The following DNAH14 variants were observed in gnomAD, a reference collection of about 807,000 sequenced individuals.
DNAH14 encodes dynein axonemal heavy chain 14, also known as axonemal beta dynein heavy chain 14.
Under a neutral mutation model 520.9 loss-of-function variants are expected in DNAH14, and 478 were observed. The ratio of observed to expected loss-of-function variants is 0.92; its 90% CI spans 0.85 to 0.99. The LOEUF is 0.99. Ranked by LOEUF, DNAH14 falls within the 50% of genes least tolerant of loss-of-function variation. The probability of loss-of-function intolerance (pLI) is 0.00; values close to 1 mark genes in which losing one functional copy is unlikely to be tolerated. For missense variants in DNAH14, 4,831 were observed against 5,234.5 expected, an observed-to-expected ratio of 0.92 and a Z score of 2.38; for synonymous variants, 1,581 against 1,757.2, an observed-to-expected ratio of 0.90 and a Z score of 2.51.
At chr1:224,948,021 AAT>A (rs1181199347) in intron 1 of DNAH14, among the ~76,000 whole-genome samples, 1 of 151,972 alleles carries the variant, frequency 6.6e-6, no homozygotes, top group Non-Finnish European at 1.5e-5. Flanking sequence ...AGTTTTATAT[AAT>A]ATATATGTTA....
chr1:225,393,753 G>A (rs541121484), intron 84 of DNAH14, among the ~76,000 whole-genome samples: 2 of 151,982 alleles, frequency 1.3e-5, no homozygotes, highest in African/African-American at 4.8e-5. Flanking sequence ...GCCAACACTC[G>A]GTATTTTTAG....
intron 1 of DNAH14, among the ~76,000 whole-genome samples, chr1:224,943,473 G>GT (rs1195086484): frequency 2.0e-5 from 3 of 152,030 alleles, no homozygotes; most frequent in African/African-American, 4.8e-5. Context: ...TTTTTGAAGG[G>GT]TTTTTTGTGT....
chr1:225,170,898 A>G (rs1339193710), intron 36 of DNAH14, among the ~76,000 whole-genome samples: 1 of 152,228 alleles, frequency 6.6e-6, no homozygotes, highest in Non-Finnish European at 1.5e-5. Context: ...ATGTAAAAGA[A>G]CAGAAATTAT....
At chr1:225,201,651 C>A (rs982429879) in intron 38 of DNAH14, among the ~76,000 whole-genome samples, 1 of 152,124 alleles carries the variant, frequency 6.6e-6, no homozygotes, top group Non-Finnish European at 1.5e-5. Context: ...GTCTAGCCAG[C>A]CAGGAAGTCT....
chr1:225,128,029 T>C (rs965844234), intron 27 of DNAH14, among the ~76,000 whole-genome samples: 36 of 152,186 alleles, frequency 2.4e-4, no homozygotes, highest in Non-Finnish European at 4.7e-4. Context: ...GAATGTTGAA[T>C]ATTGGCCCCC....
chr1:225,330,314 A>T (rs1229788629), intron 64 of DNAH14, among the ~76,000 whole-genome samples: 1 of 152,206 alleles, frequency 6.6e-6, no homozygotes, highest in African/African-American at 2.4e-5. Context: ...TATATACCCA[A>T]AAGAAAGGAA....
intron 81 of DNAH14, among the ~76,000 whole-genome samples, chr1:225,382,635 AC>A (rs1443589420): frequency 6.6e-6 from 1 of 151,730 alleles, no homozygotes; most frequent in Non-Finnish European, 1.5e-5. Flanking sequence ...AATTGCTTGA[AC>A]CCAGAAGGCA....
In DNAH14 at chr1:225,351,692, A is replaced by T. The variant is rs552632896; in HGVS notation, c.11342A>T (p.Asp3781Val). 267 of 1,550,462 alleles carry T rather than the reference A, an allele frequency of 1.7e-4. No homozygotes were observed. In the East Asian group the frequency reaches 4.9e-3, roughly 28 times the overall value. The stretch of plus-strand genomic sequence containing the variant: ...AGTCAACATCTTCAGTGGCTGTCAG[A>T]TTCCAGGTGGAGGCAGTGCCAATAT... ...GESQHLQWLS[D>V]SRWRQCQYVS... Residue 3781 changes from aspartate (D) to valine (V), a missense_variant, in exon 72 of 86, where the codon GAT (aspartate) becomes GTT (valine). Coordinates refer to ENST00000682510, the MANE Select transcript of DNAH14 (RefSeq NM_001367479.1).
intron 44 of DNAH14, among the ~76,000 whole-genome samples, chr1:225,253,594 T>C (rs2092634043): frequency 6.6e-6 from 1 of 152,132 alleles, no homozygotes; most frequent in Non-Finnish European, 1.5e-5. Flanking sequence ...TTTCTTATAC[T>C]TCTTTACTTA....
Position 225,080,726 on chromosome 1 carries a change from C to T in DNAH14, c.3114C>T (p.His1038=). The change falls in exon 19 of 86, where the codon CAC becomes CAT. Residue 1038 remains histidine (H), a synonymous_variant. Coordinates refer to ENST00000682510, the MANE Select transcript of DNAH14 (RefSeq NM_001367479.1). ...SVQRNVSKLM[H]IISVLEKGLP... is the part of the protein sequence containing the mutation. ...AGAGAAATGTTTCAAAACTGATGCACATAATCTCGGTACTAGAAAAAGGTA... is the reference window on the plus strand; with the variant it reads ...AGAGAAATGTTTCAAAACTGATGCATATAATCTCGGTACTAGAAAAAGGTA... The T allele has an allele frequency of 6.5e-7, 1 of 1,526,820 alleles. No homozygotes were observed. Among genetic ancestry groups the T allele is most frequent in the African/African-American group, 1.4e-5 (1 of 72,436 alleles). 94.6% of individuals were successfully genotyped at this position (1,526,820 alleles called of 1,614,324 possible). A position where few individuals can be genotyped will look rare whatever the true frequency, so the allele number is the denominator to read the frequency against.
intron 34 of DNAH14, among the ~76,000 whole-genome samples, chr1:225,159,067 A>G (rs554458439): frequency 2.0e-5 from 3 of 152,312 alleles, no homozygotes; most frequent in African/African-American, 7.2e-5. Context: ...TTACTGATAC[A>G]GTACCTTTCT....
chr1:225,299,389 T>G (rs1240236651), intron 55 of DNAH14, among the ~76,000 whole-genome samples: 1 of 152,188 alleles, frequency 6.6e-6, no homozygotes. Context: ...ATGCTGGGCC[T>G]TTCTCCATTG....
chr1:225,160,964 C>T (rs2149149497), intron 35 of DNAH14, among the ~76,000 whole-genome samples: 1 of 152,022 alleles, frequency 6.6e-6, no homozygotes, highest in African/African-American at 2.4e-5. Flanking sequence ...CATTTGTTTT[C>T]TTCTTCCTTT....
intron 38 of DNAH14, among the ~76,000 whole-genome samples, chr1:225,202,945 A>C (rs1277535145): frequency 2.0e-5 from 3 of 152,098 alleles, no homozygotes; most frequent in Admixed American, 1.3e-4. Context: ...ACTCATGCAG[A>C]TCTTCTTTCA....
chr1:225,388,492 G>T lies in DNAH14; in HGVS notation c.13190+1G>T, dbSNP rs775634329. Reference sequence around the variant, plus strand: ...TGGCTTATACTGCAATACAGCGTCGGTATGGATAAAAGATGCTTTACATTT... The same window carrying T: ...TGGCTTATACTGCAATACAGCGTCGTTATGGATAAAAGATGCTTTACATTT... On this transcript the variant is annotated splice_donor_variant, in intron 82 of 85. Coordinates refer to ENST00000682510, the MANE Select transcript of DNAH14 (RefSeq NM_001367479.1). LOFTEE classifies it high-confidence loss of function. The T allele has an allele frequency of 1.2e-5, 17 of 1,472,916 alleles. No individual in the cohort carries two copies. The highest frequency in any genetic ancestry group is 1.6e-5 in the Non-Finnish European group (17 of 1,084,560). 91.2% of individuals were successfully genotyped at this position (1,472,916 alleles called of 1,614,324 possible).
chr1:225,335,547 A>ATGTACATATATACATATGTACATG (rs1558431577), intron 66 of DNAH14, among the ~76,000 whole-genome samples: 1 of 98,954 alleles, frequency 1.0e-5, no homozygotes, highest in Admixed American at 1.2e-4. Context: ...ATATATACGT[A>ATGTACATATATACATATGTACATG]TATACATATG....
At position 225,138,377 on chromosome 1, in the gene DNAH14, T is replaced by C. The variant is rs558758260; in HGVS notation, c.4255-2391T>C. On this transcript the variant is annotated intron_variant, in intron 27 of 85. Coordinates refer to ENST00000682510, the MANE Select transcript of DNAH14 (RefSeq NM_001367479.1). ...TCCTATCCCTGGTGGACTTCAGCCC[T>C]CTGCCATTGGCTGACTGGGATTCCA... Among the ~76,000 whole-genome samples the C allele has an allele frequency of 2.6e-5, 4 of 152,374 alleles. No homozygotes were observed. The South Asian group carries it at 8.3e-4, about 32-fold the overall frequency.
intron 73 of DNAH14, among the ~76,000 whole-genome samples, chr1:225,355,665 TA>T (rs890268433): frequency 3.3e-5 from 5 of 152,204 alleles, no homozygotes; most frequent in African/African-American, 9.6e-5. Context: ...TCAGATTTTT[TA>T]AAAAAATATA....
chr1:225,204,368 C>G, intron 39 of DNAH14, 95 bp downstream of exon 39: 1 of 740,976 alleles, frequency 1.3e-6, no homozygotes, highest in Non-Finnish European at 2.1e-6. Flanking sequence ...TGTTTTTTGA[C>G]TGGTAATATT....
Sources: gnomAD v4.1 joint callset for allele counts (sites outside exome capture counted in the v4.1 genomes callset) on GRCh38, gnomAD v4.1.1 for gene constraint, MANE v1.5 for transcripts, NCBI Gene and HGNC (gene_info 2026-07-23, HGNC 2026-07-21) for gene names.